The following STK33 variants were observed in gnomAD, a reference collection of about 807,000 sequenced individuals.
The protein encoded by STK33 is serine/threonine-protein kinase 33.
STK33 carries 52 observed loss-of-function variants against 58.0 expected under a neutral mutation model. The ratio of observed to expected loss-of-function variants is 0.90; its 90% CI spans 0.72 to 1.13. The LOEUF is 1.13. Ranked by LOEUF, STK33 falls within the 50% of genes most tolerant of loss-of-function variation. The pLI is 0.00. For synonymous variants in STK33, 215 were observed against 200.1 expected (o/e 1.07, Z -0.63); for missense variants, 630 against 604.2 (o/e 1.04, Z -0.45).
chr11:8,576,722 CAA>C (rs1958212298), intron 1 of STK33, among the ~76,000 whole-genome samples: 1 of 152,122 alleles, frequency 6.6e-6, no homozygotes, highest in Admixed American at 6.5e-5. Context: ...GATCATGAAA[CAA>C]GACACAGAGA....
chr11:8,393,784 C>A (rs143898127), intron 15 of STK33, among the ~76,000 whole-genome samples: 45 of 152,264 alleles, frequency 3.0e-4, no homozygotes, highest in African/African-American at 1.1e-3. Flanking sequence ...GTAATGACCA[C>A]GTTTAATATT....
At chr11:8,441,357 A>G (rs988558874) in intron 11 of STK33, among the ~76,000 whole-genome samples, 4 of 144,812 alleles carry the variant, frequency 2.8e-5, no homozygotes, top group Non-Finnish European at 4.6e-5. Context: ...GTGTGTGTGT[A>G]TTTTTTTTTT....
intron 1 of STK33, among the ~76,000 whole-genome samples, chr11:8,574,066 G>T (rs1247038144): frequency 6.6e-6 from 1 of 152,162 alleles, no homozygotes; most frequent in African/African-American, 2.4e-5. Context: ...CCACATGCTG[G>T]AGTGTTGCCA....
At chr11:8,359,466 G>A in the STK33 span, among the ~76,000 whole-genome samples, 3 of 152,248 alleles carry the variant, frequency 2.0e-5, no homozygotes, top group South Asian at 6.2e-4. Context: ...GGCAGGGAGA[G>A]GTGCTGGTCT....
At chr11:8,571,183 C>T (rs535738769) in intron 1 of STK33, among the ~76,000 whole-genome samples, 238 of 152,298 alleles carry the variant, frequency 1.6e-3, no homozygotes, top group African/African-American at 5.1e-3. Flanking sequence ...CAAAAGACAG[C>T]TTCCGAAATC....
At chr11:8,467,477 A>G (rs1948325094) in intron 6 of STK33, 1 of 152,310 alleles carries the variant, frequency 6.6e-6, no homozygotes, top group Non-Finnish European at 1.5e-5. Context: ...AGTTCCCAAG[A>G]AGTTCCTCAT....
At chr11:8,462,406 T>G (rs979192864) in intron 7 of STK33, among the ~76,000 whole-genome samples, 2 of 146,518 alleles carry the variant, frequency 1.4e-5, no homozygotes, top group African/African-American at 5.0e-5. Context: ...TATATACATA[T>G]ATATACACAC....
chr11:8,532,660 T>C (rs536009678), intron 1 of STK33, among the ~76,000 whole-genome samples: 1 of 152,344 alleles, frequency 6.6e-6, no homozygotes, highest in East Asian at 1.9e-4. Context: ...CAAATCACTA[T>C]GTTGAAGAGG....
At chr11:8,439,494 T>C (rs1944448069) in intron 12 of STK33, among the ~76,000 whole-genome samples, 1 of 152,090 alleles carries the variant, frequency 6.6e-6, no homozygotes, top group African/African-American at 2.4e-5. Flanking sequence ...TGAGAAAGTA[T>C]ATACCTAATA....
At chr11:8,474,565 A>G in intron 5 of STK33, 116 bp downstream of exon 5, 1 of 704,826 alleles carries the variant, frequency 1.4e-6, no homozygotes, top group Non-Finnish European at 2.2e-6. Flanking sequence ...AATGTTTAAT[A>G]GTTATGAAGG....
chr11:8,382,722 C>T, the STK33 span, among the ~76,000 whole-genome samples: 1 of 152,182 alleles, frequency 6.6e-6, no homozygotes, highest in African/African-American at 2.4e-5. Flanking sequence ...AGGAGCTAAG[C>T]CACTAAGGCA....
chr11:8,524,303 A>G (rs1367406197), intron 1 of STK33, among the ~76,000 whole-genome samples: 2 of 152,208 alleles, frequency 1.3e-5, no homozygotes, highest in Non-Finnish European at 2.9e-5. Flanking sequence ...AACACCCAAG[A>G]ACGATCAATA....
intron 6 of STK33, among the ~76,000 whole-genome samples, chr11:8,472,435 G>A (rs1948863644): frequency 1.3e-5 from 2 of 152,136 alleles, no homozygotes; most frequent in South Asian, 2.1e-4. Context: ...ATTATTAATT[G>A]GCCTAATTTC....
At chr11:8,557,981 A>G (rs1956879779) in intron 1 of STK33, among the ~76,000 whole-genome samples, 1 of 152,128 alleles carries the variant, frequency 6.6e-6, no homozygotes, top group Admixed American at 6.5e-5. Flanking sequence ...GGCATTTGGG[A>G]CCTTATCTCA....
chr11:8,387,566 A>G (rs965306123), downstream of STK33, among the ~76,000 whole-genome samples: 6 of 152,242 alleles, frequency 3.9e-5, no homozygotes, highest in Admixed American at 2.0e-4. Flanking sequence ...TCTGGCATGT[A>G]TAAGTGCTCT....
At chr11:8,385,464 A>G in the STK33 span, among the ~76,000 whole-genome samples, 1 of 152,096 alleles carries the variant, frequency 6.6e-6, no homozygotes, top group East Asian at 1.9e-4. Context: ...TCTGCCTAAA[A>G]CATCCCTCCC....
chr11:8,443,928 G>C (rs905758211), intron 11 of STK33, among the ~76,000 whole-genome samples: 5 of 152,140 alleles, frequency 3.3e-5, no homozygotes, highest in African/African-American at 9.7e-5. Flanking sequence ...GAACGTTTGA[G>C]CCTAGGAGGC....
Position 8,461,909 on chromosome 11 carries a change from C to A in STK33, c.454G>T (p.Ala152Ser), listed in dbSNP as rs372895148. Residue 152 changes from alanine to serine, a missense_variant and splice_region_variant, in exon 8 of 16, where the codon GCT (alanine) becomes TCT (serine). Transcript: ENST00000687296. ...WAIKKVNKEK[A>S]GSSAVKLLER... ...AGTAACTTCACAGCAGAGCTTCCAG[C>A]CTTAATCAATGAAGAAACACAGATT... 8 of 1,575,268 alleles carry A rather than the reference C, an allele frequency of 5.1e-6. No individual in the cohort carries two copies. The highest frequency in any genetic ancestry group is 3.5e-5 in the South Asian group (3 of 84,534).
chr11:8,436,221 G>T, intron 12 of STK33, 82 bp from the exon 13 acceptor site: 1 of 727,246 alleles, frequency 1.4e-6, no homozygotes. Context: ...ATAGGACTTG[G>T]AAGTAGTGTT....
Sources: allele counts gnomAD v4.1 joint callset (sites outside exome capture counted in the v4.1 genomes callset), GRCh38; gene constraint gnomAD v4.1.1; transcripts MANE v1.5; gene names NCBI Gene and HGNC (gene_info 2026-07-23, HGNC 2026-07-21).